Variants in MARCHF4 observed in about 807,000 individuals in gnomAD.
MARCHF4 encodes E3 ubiquitin-protein ligase MARCHF4.
MARCHF4 carries 14 observed loss-of-function variants against 43.9 expected under a neutral mutation model. That is an observed-to-expected ratio of 0.32 (90% CI 0.21 to 0.50). The LOEUF is 0.50. Among genes scored for constraint, MARCHF4 ranks in the 20% least tolerant of loss-of-function variants. MARCHF4 has a pLI of 0.98. For missense variants in MARCHF4, 468 were observed against 536.7 expected, an observed-to-expected ratio of 0.87 and a Z score of 1.27; for synonymous variants, 226 against 213.3, an observed-to-expected ratio of 1.06 and a Z score of -0.52.
chr2:216,323,748 A>G (rs575466322), intron 1 of MARCHF4, among the ~76,000 whole-genome samples: 1 of 152,350 alleles, frequency 6.6e-6, no homozygotes, highest in South Asian at 2.1e-4. Context: ...AGAAATAAAG[A>G]TGTTCTTTGA....
In MARCHF4 at chr2:216,304,898, G is replaced by A. The variant is rs564457658; in HGVS notation, c.517-21169C>T. Reference sequence around the variant, plus strand: ...GAACCCAGGAGGTGGAGGTTGCAGTGAGCCGAGATCACGCCATTGTACTCC... The same window carrying A: ...GAACCCAGGAGGTGGAGGTTGCAGTAAGCCGAGATCACGCCATTGTACTCC... On this transcript the variant is annotated intron_variant, in intron 1 of 3. Transcript: ENST00000273067. 3.3e-5 allele frequency among the ~76,000 whole-genome samples: 5 copies of A among 152,118 alleles called. 1 individual carries two copies. In the South Asian group the frequency reaches 1.0e-3, roughly 32 times the overall value.
chr2:216,319,464 G>A (rs116617951), intron 1 of MARCHF4, among the ~76,000 whole-genome samples: 2,869 of 152,212 alleles, frequency 0.019, 91 homozygotes, highest in African/African-American at 0.066. Context: ...TCTTGAGACA[G>A]GTTACATGTC....
intron 1 of MARCHF4, among the ~76,000 whole-genome samples, chr2:216,354,399 C>T (rs1208608344): frequency 6.6e-6 from 1 of 152,186 alleles, no homozygotes; most frequent in Non-Finnish European, 1.5e-5. Context: ...AAGGCAAGTC[C>T]ACGTGGGGTC....
chr2:216,275,872 T>A (rs2105937041), intron 3 of MARCHF4, among the ~76,000 whole-genome samples: 1 of 152,302 alleles, frequency 6.6e-6, no homozygotes, highest in Admixed American at 6.5e-5. Context: ...CCAAGCCCCC[T>A]TGTGCTCCTG....
intron 1 of MARCHF4, among the ~76,000 whole-genome samples, chr2:216,340,108 A>G (rs533340880): frequency 1.3e-5 from 2 of 152,012 alleles, no homozygotes; most frequent in African/African-American, 2.4e-5. Flanking sequence ...CCTCGCCCCA[A>G]ACAAAAGAAA....
At chr2:216,356,788 C>T (rs1366248787) in intron 1 of MARCHF4, among the ~76,000 whole-genome samples, 1 of 151,974 alleles carries the variant, frequency 6.6e-6, no homozygotes, top group Admixed American at 6.6e-5. Context: ...TTTGAGAGGC[C>T]GAGGTGGGTG....
At chr2:216,269,776 C>T (rs13002832) in intron 3 of MARCHF4, among the ~76,000 whole-genome samples, 2 of 152,192 alleles carry the variant, frequency 1.3e-5, no homozygotes, top group Non-Finnish European at 2.9e-5. Flanking sequence ...AGTGCCAGTT[C>T]CTCAAGGTCA....
intron 3 of MARCHF4, among the ~76,000 whole-genome samples, chr2:216,261,527 A>G (rs972492591): frequency 6.6e-6 from 1 of 152,208 alleles, no homozygotes; most frequent in Non-Finnish European, 1.5e-5. Flanking sequence ...ATAAGGTAAC[A>G]TTGACAGGTT....
At chr2:216,327,814 AT>A (rs943651143) in intron 1 of MARCHF4, among the ~76,000 whole-genome samples, 30 of 152,238 alleles carry the variant, frequency 2.0e-4, no homozygotes, top group African/African-American at 7.2e-4. Context: ...GGTAAGCACT[AT>A]TCAGCTCTAC....
intron 3 of MARCHF4, among the ~76,000 whole-genome samples, chr2:216,273,756 C>A (rs1484623197): frequency 1.3e-5 from 2 of 152,184 alleles, no homozygotes; most frequent in African/African-American, 4.8e-5. Flanking sequence ...TTTGTTTCCG[C>A]CTTCGTGCAG....
intron 1 of MARCHF4, among the ~76,000 whole-genome samples, chr2:216,294,753 C>T (rs530726556): frequency 5.5e-4 from 84 of 152,290 alleles, no homozygotes; most frequent in African/African-American, 1.8e-3. Context: ...TTTTGTGAAG[C>T]GCTGGACCAG....
chr2:216,307,054 G>A (rs1446931520), intron 1 of MARCHF4, among the ~76,000 whole-genome samples: 1 of 152,022 alleles, frequency 6.6e-6, no homozygotes, highest in African/African-American at 2.4e-5. Flanking sequence ...TGTGCTCCAG[G>A]CCTCACCCTG....
chr2:216,311,247 CT>C (rs575175259), intron 1 of MARCHF4, among the ~76,000 whole-genome samples: 6 of 150,814 alleles, frequency 4.0e-5, no homozygotes, highest in Admixed American at 1.3e-4. Flanking sequence ...TAAATCATGT[CT>C]TTTTTTTTGG....
At chr2:216,365,214 T>C (rs1034360297) in intron 1 of MARCHF4, among the ~76,000 whole-genome samples, 11 of 152,248 alleles carry the variant, frequency 7.2e-5, no homozygotes, top group Admixed American at 2.6e-4. Flanking sequence ...CCATATCTTA[T>C]TCACAACTAA....
intron 1 of MARCHF4, among the ~76,000 whole-genome samples, chr2:216,305,530 G>C (rs954825962): frequency 1.3e-5 from 2 of 152,200 alleles, no homozygotes; most frequent in Admixed American, 1.3e-4. Flanking sequence ...GAATGGAAGA[G>C]AGGAAGAGAA....
Position 216,258,722 on chromosome 2 carries a change from C to T in MARCHF4, c.*590G>A, listed in dbSNP as rs1411313060. The T allele has an allele frequency of 6.5e-6, 1 of 152,720 alleles. No individual in the cohort carries two copies. Among genetic ancestry groups the T allele is most frequent in the African/African-American group, 2.4e-5 (1 of 41,410 alleles). The allele number at this position is 152,720 out of a possible 1,614,324, so 9.5% of individuals were successfully genotyped here. A position where few individuals can be genotyped will look rare whatever the true frequency, so the allele number is the denominator to read the frequency against. On this transcript the variant is annotated 3_prime_UTR_variant, in exon 4 of 4. Transcript: ENST00000273067. ...GGCTGCTCACACCAGCATATCCCTC[C>T]CTGAGCATCCCTCCCTGACCATCCA...
intron 3 of MARCHF4, among the ~76,000 whole-genome samples, chr2:216,268,017 C>A (rs1009410705): frequency 6.6e-6 from 1 of 152,166 alleles, no homozygotes; most frequent in Non-Finnish European, 1.5e-5. Context: ...TCTAGAAAAC[C>A]AGATAAGCTA....
intron 1 of MARCHF4, among the ~76,000 whole-genome samples, chr2:216,311,414 C>T (rs1465542371): frequency 1.3e-5 from 2 of 152,116 alleles, no homozygotes; most frequent in Non-Finnish European, 2.9e-5. Context: ...TGCGTCACCA[C>T]ACCTGGTTAA....
At chr2:216,262,023 G>A (rs961071204) in intron 3 of MARCHF4, among the ~76,000 whole-genome samples, 1 of 152,344 alleles carries the variant, frequency 6.6e-6, no homozygotes, top group African/African-American at 2.4e-5. Context: ...GGCACAGAAG[G>A]AGGGAGAATG....
Sources: gnomAD v4.1 joint callset for allele counts (sites outside exome capture counted in the v4.1 genomes callset) on GRCh38, gnomAD v4.1.1 for gene constraint, MANE v1.5 for transcripts, NCBI Gene and HGNC (gene_info 2026-07-23, HGNC 2026-07-21) for gene names.